ROR2: variants seen among roughly 807,000 people sequenced by gnomAD.
ROR2 encodes the protein ROR family WNT receptor 2, also known as tyrosine-protein kinase transmembrane receptor ROR2.
A neutral mutation model predicts 74.9 loss-of-function variants in ROR2; 33 were observed. The ratio of observed to expected loss-of-function variants is 0.44; its 90% confidence interval spans 0.33 to 0.59. The LOEUF (loss-of-function observed/expected upper bound fraction) is 0.59. ROR2 is among the 20% of genes least tolerant of loss of function. ROR2 has a pLI of 0.02. For missense variants in ROR2, 1,216 were observed against 1,313.8 expected (o/e 0.93, Z 1.15); for synonymous variants, 586 against 558.7 (o/e 1.05, Z -0.69).
At position 91,841,098 on chromosome 9, in the gene ROR2, T is replaced by C. The variant is rs145190339; in HGVS notation, c.98-65280A>G. Among the ~76,000 whole-genome samples, 401 of 152,334 alleles carry C rather than the reference T, an allele frequency of 2.6e-3. 1 individual carries two copies. The highest frequency in any genetic ancestry group is 9.0e-3 in the African/African-American group (373 of 41,564). On this transcript the variant is annotated intron_variant, in intron 1 of 8. Coordinates refer to ENST00000375708, the MANE Select transcript of ROR2 (RefSeq NM_004560.4). The stretch of plus-strand genomic sequence containing the variant: ...TGGGTCCAGTCTCATTCCCCGGCCA[T>C]TGGCCCATCAGTTGACCGCCCTTGA...
rs1828681899 is a variant in ROR2 at position 91,838,529 on chromosome 9, C to T, written c.98-62711G>A. ...ACAAGACACGAAAACACCCTGAGAT[C>T]GGACTGCGGGGTTTCATTCCGAGTT... is the stretch of plus-strand genomic sequence containing the variant. On this transcript the variant is annotated intron_variant, in intron 1 of 8. Transcript: ENST00000375708. 4.6e-5 allele frequency among the ~76,000 whole-genome samples: 7 copies of T among 152,320 alleles called. 1 individual carries two copies. In the Middle Eastern group the frequency reaches 0.02, roughly 444 times the overall value.
rs781646620 is a variant in ROR2, at chr9:91,724,552, G to A, written c.1942C>T (p.Leu648=). The change falls in exon 9 of 9, where the codon CTG becomes TTG. Residue 648 remains leucine (L), a synonymous_variant. Coordinates refer to ENST00000375708, the MANE Select transcript of ROR2 (RefSeq NM_004560.4). ...REVYAADYYK[L]LGNSLLPIRW... Reference sequence around the variant, plus strand: ...ATAGGCAGCAGCGAGTTCCCCAGCAGCTTGTAGTAATCGGCGGCATACACC... The same window carrying A: ...ATAGGCAGCAGCGAGTTCCCCAGCAACTTGTAGTAATCGGCGGCATACACC... 3 of 1,614,202 alleles carry A rather than the reference G, an allele frequency of 1.9e-6. No individual in the cohort carries two copies. In the East Asian group the frequency reaches 6.7e-5, roughly 36 times the overall value.
At position 91,756,404 on chromosome 9, in the gene ROR2, C is replaced by T. The variant is rs547423353; in HGVS notation, c.464-303G>A. Among the ~76,000 whole-genome samples, 28 of 152,332 alleles carry T rather than the reference C, an allele frequency of 1.8e-4. No homozygotes were observed. In the South Asian group the frequency reaches 5.8e-3, roughly 32 times the overall value. On this transcript the variant is annotated intron_variant, in intron 3 of 8. Coordinates refer to ENST00000375708, the MANE Select transcript of ROR2 (RefSeq NM_004560.4). ...ACTACTTATGATCGGATGGCGTGGG[C>T]TTCGGTGGCAGGGCCGGGGCGTTTG...
intron 1 of ROR2, among the ~76,000 whole-genome samples, chr9:91,832,430 G>A (rs1047989156): frequency 1.2e-4 from 17 of 146,810 alleles, no homozygotes; most frequent in Non-Finnish European, 1.9e-4. Flanking sequence ...CAGGGTCCAC[G>A]GTCCAGCCAT....
At chr9:91,758,240 GAGGTT>G (rs1226863459) in intron 2 of ROR2, among the ~76,000 whole-genome samples, 1 of 152,196 alleles carries the variant, frequency 6.6e-6, no homozygotes, top group Non-Finnish European at 1.5e-5. Context: ...TATTGATTTG[GAGGTT>G]ACAAATAGAC....
At chr9:91,814,818 G>A (rs1018563170) in intron 1 of ROR2, among the ~76,000 whole-genome samples, 8 of 152,164 alleles carry the variant, frequency 5.3e-5, no homozygotes, top group Non-Finnish European at 1.2e-4. Flanking sequence ...ACACACCTCC[G>A]GCATGGCTGG....
chr9:91,851,429 A>T (rs796749231), intron 1 of ROR2, among the ~76,000 whole-genome samples: 1 of 152,042 alleles, frequency 6.6e-6, no homozygotes, highest in Non-Finnish European at 1.5e-5. Flanking sequence ...TGGATTATCT[A>T]TTCTCTTCTT....
chr9:91,857,593 G>A (rs1194068092), intron 1 of ROR2, among the ~76,000 whole-genome samples: 2 of 152,214 alleles, frequency 1.3e-5, no homozygotes, highest in Non-Finnish European at 2.9e-5. Context: ...GACTGCGTCA[G>A]GAGTGAGATG....
chr9:91,808,443 A>G (rs1241871494), intron 1 of ROR2, among the ~76,000 whole-genome samples: 7 of 152,148 alleles, frequency 4.6e-5, no homozygotes, highest in African/African-American at 1.7e-4. Context: ...CATCCTGGCC[A>G]ACATGGTGAA....
intron 6 of ROR2, among the ~76,000 whole-genome samples, chr9:91,732,029 G>A (rs1837261387): frequency 6.6e-6 from 1 of 152,172 alleles, no homozygotes; most frequent in African/African-American, 2.4e-5. Context: ...GGATATGAGA[G>A]CTTAGCAACT....
chr9:91,877,470 T>C (rs532447547), intron 1 of ROR2, among the ~76,000 whole-genome samples: 36 of 152,262 alleles, frequency 2.4e-4, no homozygotes, highest in South Asian at 1.0e-3. Context: ...CAGAAGAGGA[T>C]GAAGAAGATC....
chr9:91,775,886 A>T, intron 1 of ROR2, 68 bp from the exon 2 acceptor site: 1 of 1,342,418 alleles, frequency 7.4e-7, no homozygotes, highest in Non-Finnish European at 1.1e-6. Flanking sequence ...TTTGCTTCTT[A>T]TGCAAAGACA....
intron 1 of ROR2, among the ~76,000 whole-genome samples, chr9:91,945,210 G>T (rs1222223177): frequency 2.0e-5 from 3 of 152,198 alleles, no homozygotes; most frequent in Non-Finnish European, 4.4e-5. Flanking sequence ...CAGTGAAGGG[G>T]AGGAAGTGAA....
chr9:91,825,071 T>C (rs1396870863), intron 1 of ROR2, among the ~76,000 whole-genome samples: 3 of 152,134 alleles, frequency 2.0e-5, no homozygotes, highest in Non-Finnish European at 2.9e-5. Flanking sequence ...CAATGACAAA[T>C]AACATGTGTC....
At chr9:91,935,493 A>G (rs1831659813) in intron 1 of ROR2, among the ~76,000 whole-genome samples, 1 of 152,198 alleles carries the variant, frequency 6.6e-6, no homozygotes, top group South Asian at 2.1e-4. Context: ...TTTGCCTCCT[A>G]CTTCAAAGGG....
At chr9:91,805,393 C>T (rs1827513402) in intron 1 of ROR2, among the ~76,000 whole-genome samples, 1 of 152,248 alleles carries the variant, frequency 6.6e-6, no homozygotes, top group African/African-American at 2.4e-5. Context: ...CAGTCAGCGG[C>T]TGCTCCTGGG....
At chr9:91,749,468 C>T (rs1053972469) in intron 4 of ROR2, among the ~76,000 whole-genome samples, 15 of 152,302 alleles carry the variant, frequency 9.8e-5, no homozygotes, top group African/African-American at 3.6e-4. Flanking sequence ...CCTTATTTAA[C>T]CTTAACCACC....
At chr9:91,739,284 A>G (rs924292930) in intron 4 of ROR2, among the ~76,000 whole-genome samples, 2 of 152,206 alleles carry the variant, frequency 1.3e-5, no homozygotes, top group Non-Finnish European at 2.9e-5. Flanking sequence ...AGGCTGGTGA[A>G]TCACTTGAGC....
intron 2 of ROR2, among the ~76,000 whole-genome samples, chr9:91,772,639 C>T (rs963336243): frequency 1.4e-4 from 21 of 152,202 alleles, no homozygotes; most frequent in African/African-American, 4.6e-4. Context: ...GCCCACTTGA[C>T]GGGCCACCTT....
Sources: allele counts gnomAD v4.1 joint callset (sites outside exome capture counted in the v4.1 genomes callset), GRCh38; gene constraint gnomAD v4.1.1; transcripts MANE v1.5; gene names NCBI Gene and HGNC (gene_info 2026-07-23, HGNC 2026-07-21).